Variants in BIRC6 observed in about 807,000 individuals in gnomAD.
The protein encoded by BIRC6 is baculoviral IAP repeat containing 6.
BIRC6 carries 98 observed loss-of-function variants against 503.3 expected under a neutral mutation model. The ratio of observed to expected loss-of-function variants is 0.19; its 90% CI spans 0.17 to 0.23. BIRC6 has a LOEUF of 0.23. Among genes scored for constraint, BIRC6 ranks in the 10% least tolerant of loss-of-function variants. The probability of loss-of-function intolerance (pLI) is 1.00; values close to 1 mark genes in which losing one functional copy is unlikely to be tolerated. For synonymous variants in BIRC6, 2,240 were observed against 2,078.7 expected, an observed-to-expected ratio of 1.08 and a Z score of -2.11; for missense variants, 5,360 against 5,806.0, an observed-to-expected ratio of 0.92 and a Z score of 2.50.
intron 45 of BIRC6, among the ~76,000 whole-genome samples, chr2:32,493,890 G>A (rs576823876): frequency 1.3e-5 from 2 of 152,218 alleles, no homozygotes; most frequent in African/African-American, 2.4e-5. Flanking sequence ...TAATATGAAA[G>A]GAATACAGTT....
chr2:32,426,598 C>T (rs974845630), intron 10 of BIRC6, among the ~76,000 whole-genome samples: 7 of 152,132 alleles, frequency 4.6e-5, no homozygotes, highest in African/African-American at 1.4e-4. Context: ...AGCGAGACTC[C>T]GTCTCAAAAC....
At chr2:32,578,712 C>T (rs2060434590) in intron 66 of BIRC6, among the ~76,000 whole-genome samples, 1 of 151,810 alleles carries the variant, frequency 6.6e-6, no homozygotes, top group Admixed American at 6.6e-5. Context: ...ACGAGAATCA[C>T]TTGAGCCTGG....
At chr2:32,385,484 A>G (rs1329573941) in intron 3 of BIRC6, among the ~76,000 whole-genome samples, 1 of 152,230 alleles carries the variant, frequency 6.6e-6, no homozygotes, top group East Asian at 1.9e-4. Context: ...GTAGATAGAT[A>G]TTAATCTCTA....
At chr2:32,436,888 T>C (rs796671148) in intron 15 of BIRC6, among the ~76,000 whole-genome samples, 1 of 988 alleles carries the variant, frequency 1.0e-3, no homozygotes, top group African/African-American at 1.6e-3. Context: ...TGTTTTTTCT[T>C]TTTTTTTTTT....
chr2:32,465,800 G>A (rs1246907721), intron 26 of BIRC6, among the ~76,000 whole-genome samples: 2 of 152,206 alleles, frequency 1.3e-5, no homozygotes, highest in Non-Finnish European at 2.9e-5. Context: ...AGTATACACT[G>A]TAGCATGTAT....
chr2:32,466,994 C>T (rs2048614957), intron 26 of BIRC6, among the ~76,000 whole-genome samples: 1 of 152,038 alleles, frequency 6.6e-6, no homozygotes, highest in Non-Finnish European at 1.5e-5. Flanking sequence ...CAGCGGGCGC[C>T]TGTAGTGCCA....
At chr2:32,595,196 A>G (rs1415617896) in intron 68 of BIRC6, 52 bp downstream of exon 68, 1 of 1,148,306 alleles carries the variant, frequency 8.7e-7, no homozygotes, top group Non-Finnish European at 1.3e-6. Flanking sequence ...TTTTTTTTTA[A>G]CAGTGCTATT....
intron 21 of BIRC6, among the ~76,000 whole-genome samples, chr2:32,447,043 A>G (rs1197713161): frequency 7.4e-6 from 1 of 134,406 alleles, no homozygotes; most frequent in Admixed American, 7.7e-5. Flanking sequence ...GACACAGCAC[A>G]TGTTTCAGAG....
chr2:32,439,967 C>A (rs1353438280), intron 16 of BIRC6, among the ~76,000 whole-genome samples: 1 of 152,212 alleles, frequency 6.6e-6, no homozygotes, highest in Non-Finnish European at 1.5e-5. Flanking sequence ...CAACCTCTGC[C>A]TCCCAGATTC....
At chr2:32,446,738 G>GGTT (rs2045985566) in intron 21 of BIRC6, among the ~76,000 whole-genome samples, 1 of 34,836 alleles carries the variant, frequency 2.9e-5, no homozygotes, top group African/African-American at 1.2e-4. Flanking sequence ...CCTCTGCGCT[G>GGTT]TTTTTTTTTT....
rs1053366659 is a variant in BIRC6, at chr2:32,441,527, C to G, written c.3944+65C>G. ...AAAGTGCAGAGCATAACACCACACACATACACACACAAATAAAAAATCTTT... is the reference window on the plus strand; with the variant it reads ...AAAGTGCAGAGCATAACACCACACAGATACACACACAAATAAAAAATCTTT... On this transcript the variant is annotated intron_variant, in intron 17 of 73. Transcript: ENST00000421745. 6 of 1,379,660 alleles carry G rather than the reference C, an allele frequency of 4.3e-6. No homozygotes were observed. In the African/African-American group the frequency reaches 8.7e-5, roughly 20 times the overall value. 85.5% of individuals were successfully genotyped at this position (1,379,660 alleles called of 1,614,324 possible). A position where few individuals can be genotyped will look rare whatever the true frequency, so the allele number is the denominator to read the frequency against.
At chr2:32,523,240 A>G (rs2055923224) in intron 57 of BIRC6, 1 of 152,208 alleles carries the variant, frequency 6.6e-6, no homozygotes, top group Non-Finnish European at 1.5e-5. Flanking sequence ...AAAAAAGTAA[A>G]TTAATATTAG....
At chr2:32,423,659 C>T (rs1387390041) in intron 10 of BIRC6, among the ~76,000 whole-genome samples, 1 of 152,146 alleles carries the variant, frequency 6.6e-6, no homozygotes, top group Non-Finnish European at 1.5e-5. Flanking sequence ...TATTCCATTA[C>T]AGTAGGGCCC....
chr2:32,467,850 A>G, intron 27 of BIRC6, 53 bp from the exon 28 acceptor site: 1 of 1,484,628 alleles, frequency 6.7e-7, no homozygotes, highest in Non-Finnish European at 9.1e-7. Context: ...CATTGCTCAG[A>G]TTTTTATTGT....
intron 23 of BIRC6, among the ~76,000 whole-genome samples, chr2:32,459,922 T>G (rs2047646987): frequency 6.6e-6 from 1 of 151,468 alleles, no homozygotes; most frequent in Non-Finnish European, 1.5e-5. Context: ...CTGGTGACAG[T>G]GCTATATTAT....
At position 32,485,656 on chromosome 2, in the gene BIRC6, C is replaced by T; in HGVS notation, c.7710C>T (p.Arg2570=). Residue 2570 remains arginine, a synonymous_variant, in exon 40 of 74, where the codon CGC becomes CGT. Coordinates refer to ENST00000421745, the MANE Select transcript of BIRC6 (RefSeq NM_016252.4). ...SVSVSQALDA[R]LEVGLEQQAE... is the part of the protein sequence containing the mutation. ...TGCTTTTTGTAGCCCTGGATGCTCG[C>T]CTAGAAGTTGGACTTGAACAGCAAG... 1 of 1,612,128 alleles carries T rather than the reference C, an allele frequency of 6.2e-7. No individual in the cohort carries two copies. Among genetic ancestry groups the T allele is most frequent in the Non-Finnish European group, 8.5e-7 (1 of 1,178,612 alleles).
intron 1 of BIRC6, among the ~76,000 whole-genome samples, chr2:32,369,304 A>G (rs1375780126): frequency 1.3e-5 from 2 of 152,194 alleles, no homozygotes; most frequent in African/African-American, 4.8e-5. Context: ...AGAAAACAGT[A>G]ATTTCAAATA....
intron 65 of BIRC6, chr2:32,565,884 A>G (rs2059501433): frequency 6.6e-6 from 1 of 152,184 alleles, no homozygotes; most frequent in African/African-American, 2.4e-5. Flanking sequence ...TTATGAGGAC[A>G]GCATGGAGGT....
intron 66 of BIRC6, among the ~76,000 whole-genome samples, chr2:32,586,817 G>T (rs1340393209): frequency 6.6e-6 from 1 of 152,100 alleles, no homozygotes; most frequent in African/African-American, 2.4e-5. Context: ...TTAGTAACTT[G>T]TTCATATTAT....
Sources: gnomAD v4.1 joint callset for allele counts (sites outside exome capture counted in the v4.1 genomes callset) on GRCh38, gnomAD v4.1.1 for gene constraint, MANE v1.5 for transcripts, NCBI Gene and HGNC (gene_info 2026-07-23, HGNC 2026-07-21) for gene names.